Variants in PEDS1 observed in about 807,000 individuals in gnomAD.
PEDS1 encodes the protein plasmanylethanolamine desaturase 1.
Under a neutral mutation model 35.2 loss-of-function variants are expected in PEDS1, and 14 were observed. The ratio of observed to expected loss-of-function variants is 0.40; its 90% CI spans 0.26 to 0.62. The LOEUF (loss-of-function observed/expected upper bound fraction) is 0.62, where lower values mean the gene tolerates loss of function less well. Among genes scored for constraint, PEDS1 ranks in the 20% least tolerant of loss-of-function variants. The pLI is 0.44. For synonymous variants in PEDS1, 152 were observed against 152.0 expected (o/e 1.00, Z 0.00); for missense variants, 260 against 367.8 (o/e 0.71, Z 2.40).
chr20:50,136,888 T>C (rs2081241569), intron 2 of PEDS1, among the ~76,000 whole-genome samples: 1 of 151,666 alleles, frequency 6.6e-6, no homozygotes, highest in African/African-American at 2.4e-5. Flanking sequence ...AATAACAAAA[T>C]TCGCCAGGTG....
intron 2 of PEDS1, among the ~76,000 whole-genome samples, chr20:50,141,084 C>T (rs537180187): frequency 6.6e-6 from 1 of 152,196 alleles, no homozygotes. Context: ...CAGCACACAC[C>T]TGGGCTCTGA....
intron 2 of PEDS1, among the ~76,000 whole-genome samples, chr20:50,137,340 C>G (rs1035350973): frequency 6.6e-6 from 1 of 152,102 alleles, no homozygotes; most frequent in African/African-American, 2.4e-5. Flanking sequence ...CGCACCCAGC[C>G]GAGGGTAACT....
At chr20:50,152,864 G>A (rs2081419289) in intron 1 of PEDS1, among the ~76,000 whole-genome samples, 1 of 152,100 alleles carries the variant, frequency 6.6e-6, no homozygotes, top group Non-Finnish European at 1.5e-5. Context: ...TGGAGGGTTG[G>A]GGAGAGGATA....
intron 2 of PEDS1, among the ~76,000 whole-genome samples, chr20:50,141,786 G>T (rs1471452710): frequency 2.0e-5 from 3 of 152,218 alleles, no homozygotes; most frequent in Non-Finnish European, 4.4e-5. Flanking sequence ...CCCAGCAATG[G>T]ATGGGTTCAT....
intron 1 of PEDS1, among the ~76,000 whole-genome samples, chr20:50,147,134 T>C (rs1004828630): frequency 2.0e-5 from 3 of 152,182 alleles, no homozygotes; most frequent in Non-Finnish European, 4.4e-5. Flanking sequence ...ACCCTAACAA[T>C]GGCTGACACA....
At chr20:50,149,406 C>G (rs1047154394) in intron 1 of PEDS1, among the ~76,000 whole-genome samples, 4 of 152,142 alleles carry the variant, frequency 2.6e-5, no homozygotes, top group African/African-American at 9.7e-5. Context: ...AAGTAGCACA[C>G]ACATGGCCAG....
At position 50,121,416 on chromosome 20, in the gene PEDS1, A is replaced by G. The variant is rs1323984969; in HGVS notation, c.*3642T>C. 4.6e-5 allele frequency: 7 copies of G among 152,448 alleles called. No individual in the cohort carries two copies. The highest frequency in any genetic ancestry group is 1.7e-4 in the African/African-American group (7 of 41,440). The allele number at this position is 152,448 out of a possible 1,614,324, so 9.4% of individuals were successfully genotyped here. On this transcript the variant is annotated 3_prime_UTR_variant, in exon 6 of 6. Transcript: ENST00000371652. ...AGCTGTGTGACCTTGGGCATATTAC[A>G]TGACCTCTGTGCCTCAGTTTCCCCA... is the stretch of plus-strand genomic sequence containing the variant.
At chr20:50,137,122 G>C (rs1360062862) in intron 2 of PEDS1, among the ~76,000 whole-genome samples, 2 of 152,148 alleles carry the variant, frequency 1.3e-5, no homozygotes, top group African/African-American at 2.4e-5. Context: ...CTGGAGTGTG[G>C]CGGTGCCATT....
At chr20:50,125,860 G>A (rs1349327259) in intron 5 of PEDS1, among the ~76,000 whole-genome samples, 1 of 152,034 alleles carries the variant, frequency 6.6e-6, no homozygotes, top group Non-Finnish European at 1.5e-5. Flanking sequence ...CAAACTGCTG[G>A]GATTACAGGC....
At position 50,122,138 on chromosome 20, in the gene PEDS1, GTC is replaced by G. The variant is rs1447886570; in HGVS notation, c.*2918_*2919del. On this transcript the variant is annotated 3_prime_UTR_variant, in exon 6 of 6. Transcript: ENST00000371652. ...TGAGATTGCTGAGCTGGTCTAGTAA[GTC>G]TCAACTCAAAGAGAAAAACAGAGCT... 1.3e-5 allele frequency: 2 copies of G among 152,200 alleles called. No individual in the cohort carries two copies. Among genetic ancestry groups the G allele is most frequent in the African/African-American group, 4.8e-5 (2 of 41,432 alleles). 9.4% of individuals were successfully genotyped at this position (152,200 alleles called of 1,614,324 possible).
At chr20:50,150,233 C>T (rs1218328219) in intron 1 of PEDS1, among the ~76,000 whole-genome samples, 4 of 152,126 alleles carry the variant, frequency 2.6e-5, no homozygotes, top group East Asian at 1.9e-4. Context: ...CTCAATCACT[C>T]GGCTATGTTG....
chr20:50,144,158 C>T (rs1463714196), intron 1 of PEDS1, among the ~76,000 whole-genome samples: 1 of 152,204 alleles, frequency 6.6e-6, no homozygotes, highest in Non-Finnish European at 1.5e-5. Flanking sequence ...GGATGGGGCC[C>T]TTCAGAGAGT....
chr20:50,131,192 G>A, intron 2 of PEDS1: 2 of 888,434 alleles, frequency 2.3e-6, no homozygotes, highest in Non-Finnish European at 3.6e-6. Flanking sequence ...CATAAACTGG[G>A]CATGCTCAGA....
chr20:50,147,162 C>T (rs1269244997), intron 1 of PEDS1, among the ~76,000 whole-genome samples: 1 of 152,206 alleles, frequency 6.6e-6, no homozygotes, highest in Admixed American at 6.5e-5. Context: ...GCCTGTCATG[C>T]GCTGGGGTGT....
chr20:50,151,460 A>G (rs2081402169), intron 1 of PEDS1: 2 of 477,808 alleles, frequency 4.2e-6, no homozygotes. Flanking sequence ...AGAGCTGGAC[A>G]CTAAAGAGGG....
chr20:50,153,529 G>T lies in PEDS1; in HGVS notation c.109C>A (p.Leu37Ile). 7.0e-7 allele frequency: 1 copy of T among 1,421,784 alleles called. No individual in the cohort carries two copies. The allele number at this position is 1,421,784 out of a possible 1,614,324, so 88.1% of individuals were successfully genotyped here. A position where few individuals can be genotyped will look rare whatever the true frequency, so the allele number is the denominator to read the frequency against. Residue 37 changes from leucine to isoleucine, a missense_variant, in exon 1 of 6, where the codon CTC becomes ATC. By Grantham distance (5) the Leu-to-Ile change is conservative. This residue lies in a region of PEDS1 where 114 missense variants were observed against 121.6 expected (regional missense o/e 0.94). Coordinates refer to ENST00000371652, the MANE Select transcript of PEDS1 (RefSeq NM_199129.4). ...QHAGARELAA[L>I]YSPGKRLQEW... is the part of the protein sequence containing the mutation. ...CCAGAGGTCTTACCTGGCGAGTAGAGCGCAGCCAGCTCGCGGGCCCCGGCG... is the reference window on the plus strand; with the variant it reads ...CCAGAGGTCTTACCTGGCGAGTAGATCGCAGCCAGCTCGCGGGCCCCGGCG...
chr20:50,126,414 T>G (rs1274292083), intron 5 of PEDS1, among the ~76,000 whole-genome samples: 6 of 152,226 alleles, frequency 3.9e-5, no homozygotes, highest in Admixed American at 2.6e-4. Flanking sequence ...TCCCTCCACC[T>G]GCCTTCCAAG....
intron 2 of PEDS1, 89 bp downstream of exon 2, chr20:50,143,413 T>G: frequency 6.5e-7 from 1 of 1,531,464 alleles, no homozygotes; most frequent in Non-Finnish European, 8.8e-7. Flanking sequence ...CACACATCCA[T>G]GCATGTGGAC....
At position 50,129,245 on chromosome 20, in the gene PEDS1, G is replaced by A. The variant is rs2081146705; in HGVS notation, c.478+301C>T. On this transcript the variant is annotated intron_variant, in intron 4 of 5. Coordinates refer to ENST00000371652, the MANE Select transcript of PEDS1 (RefSeq NM_199129.4). The surrounding 1 kb of genome is among the most constrained non-coding windows in gnomAD (Gnocchi z 4.2). ...GGTGGGTTGGGTGCAGGGAAGCAAG[G>A]AATAGTGGGGACGGTGGTAAACTGG... Among the ~76,000 whole-genome samples the A allele has an allele frequency of 6.6e-6, 1 of 152,208 alleles. No homozygotes were observed.
Sources: allele counts gnomAD v4.1 joint callset (sites outside exome capture counted in the v4.1 genomes callset), GRCh38; gene constraint gnomAD v4.1.1; regional missense constraint gnomAD v4.1.1; non-coding constraint Gnocchi (gnomAD v3.1); transcripts MANE v1.5; gene names NCBI Gene and HGNC (gene_info 2026-07-23, HGNC 2026-07-21).